MBTPS1: variants seen among roughly 807,000 people sequenced by gnomAD.
The protein encoded by MBTPS1 is membrane bound transcription factor peptidase, site 1.
In MBTPS1, 94 loss-of-function variants were observed where a neutral mutation model predicts 127.8. The ratio of observed to expected loss-of-function variants is 0.74; its 90% CI spans 0.62 to 0.87. MBTPS1 has a LOEUF of 0.87. Among genes scored for constraint, MBTPS1 ranks in the 40% least tolerant of loss-of-function variants. The pLI, the probability that MBTPS1 is intolerant of heterozygous loss-of-function variation, is 0.00. For synonymous variants in MBTPS1, 632 were observed against 509.4 expected, an observed-to-expected ratio of 1.24 and a Z score of -3.24; for missense variants, 1,636 against 1,353.2, an observed-to-expected ratio of 1.21 and a Z score of -3.28.
chr16:84,086,043 G>A (rs1001283300), intron 9 of MBTPS1: 1 of 152,162 alleles, frequency 6.6e-6, no homozygotes, highest in African/African-American at 2.4e-5. Context: ...ACGAAAATTA[G>A]AATAGGATCT....
At chr16:84,106,734 G>A (rs187796708) in intron 1 of MBTPS1, among the ~76,000 whole-genome samples, 1 of 152,326 alleles carries the variant, frequency 6.6e-6, no homozygotes, top group East Asian at 1.9e-4. Flanking sequence ...GGTGTGGAAG[G>A]GGGCACAGGC....
chr16:84,085,004 C>T lies in MBTPS1; in HGVS notation c.1265G>A (p.Gly422Asp). ...TCACCTCACTAACAAGGTGACAGCA[C>T]CTGCAACCACTGGAGAAGCAACACT... is the stretch of plus-strand genomic sequence containing the variant. ...GTSVASPVVA[G>D]AVTLLVSTVQ... is the part of the protein sequence containing the mutation. Residue 422 changes from glycine to aspartate, a missense_variant, in exon 10 of 23, where the codon GGT (glycine) becomes GAT (aspartate). Gly to Asp is a moderately conservative substitution (Grantham distance 94). Coordinates refer to ENST00000343411, the MANE Select transcript of MBTPS1 (RefSeq NM_003791.4). 6.2e-7 allele frequency: 1 copy of T among 1,614,138 alleles called. No individual in the cohort carries two copies. Among genetic ancestry groups the T allele is most frequent in the Middle Eastern group, 1.6e-4 (1 of 6,062 alleles).
intron 22 of MBTPS1, among the ~76,000 whole-genome samples, chr16:84,055,072 C>T (rs541151476): frequency 1.4e-4 from 21 of 152,142 alleles, no homozygotes; most frequent in Non-Finnish European, 2.1e-4. Flanking sequence ...GGGGGCGTGG[C>T]GGAAGAAGCA....
At chr16:84,090,318 ACAAAGGC>A (rs983025443) in intron 8 of MBTPS1, among the ~76,000 whole-genome samples, 3 of 151,710 alleles carry the variant, frequency 2.0e-5, no homozygotes, top group African/African-American at 7.3e-5. Context: ...TAAGTTTAGC[ACAAAGGC>A]CCCCCTGTGA....
chr16:84,103,483 C>T (rs55914526), intron 1 of MBTPS1, among the ~76,000 whole-genome samples: 31,965 of 151,946 alleles, frequency 0.21, 3,693 homozygotes, highest in Middle Eastern at 0.29. Context: ...TGGTCTCAAA[C>T]TCAGGTGATC....
At chr16:84,055,907 A>C (rs754319420) in intron 22 of MBTPS1, 98 bp downstream of exon 22, 283 of 1,362,402 alleles carry the variant, frequency 2.1e-4, no homozygotes, top group Non-Finnish European at 2.8e-4. Context: ...GAAGGCAGAG[A>C]CAGGGAGAGT....
Position 84,069,990 on chromosome 16 carries a change from C to T in MBTPS1, c.1831G>A (p.Val611Met). The change falls in exon 14 of 23, where the codon GTG (valine) becomes ATG (methionine). Residue 611 changes from valine to methionine, a missense_variant. Coordinates refer to ENST00000343411, the MANE Select transcript of MBTPS1 (RefSeq NM_003791.4). ...QTSTVKLPIK[V>M]KIIPTPPRSK... The stretch of plus-strand genomic sequence containing the variant: ...CGCGGGGGAGTAGGAATTATCTTCA[C>T]CTTAATGGGGAGCTTTACTGTTGAA... The T allele has an allele frequency of 6.2e-7, 1 of 1,614,042 alleles. No homozygotes were observed. The highest frequency in any genetic ancestry group is 1.1e-5 in the South Asian group (1 of 91,078).
chr16:84,068,667 G>C (rs2085726167), intron 14 of MBTPS1, among the ~76,000 whole-genome samples: 1 of 152,218 alleles, frequency 6.6e-6, no homozygotes, highest in Non-Finnish European at 1.5e-5. Context: ...CCATGTGCCT[G>C]GCAGGTGCAT....
At chr16:84,085,674 T>G (rs1446287437) in intron 9 of MBTPS1, among the ~76,000 whole-genome samples, 1 of 151,664 alleles carries the variant, frequency 6.6e-6, no homozygotes, top group African/African-American at 2.4e-5. Context: ...AAATATATTT[T>G]ATAACAACCA....
chr16:84,071,596 G>T (rs978227595), intron 12 of MBTPS1, among the ~76,000 whole-genome samples: 2 of 152,164 alleles, frequency 1.3e-5, no homozygotes, highest in South Asian at 4.1e-4. Flanking sequence ...TAACACAGAT[G>T]AAACAATTAA....
chr16:84,072,101 T>C (rs11642644), intron 12 of MBTPS1: 24,243 of 152,220 alleles, frequency 0.16, 2,241 homozygotes, highest in East Asian at 0.32. Context: ...AGAAACGCCA[T>C]GTGGCCGACC....
intron 9 of MBTPS1, 87 bp from the exon 10 acceptor site, chr16:84,085,221 A>G: frequency 2.3e-6 from 3 of 1,324,770 alleles, no homozygotes; most frequent in Non-Finnish European, 3.2e-6. Flanking sequence ...CAGAACAGAG[A>G]TATGGGTTAG....
chr16:84,106,914 C>T (rs2086331791), intron 1 of MBTPS1, among the ~76,000 whole-genome samples: 1 of 152,156 alleles, frequency 6.6e-6, no homozygotes, highest in African/African-American at 2.4e-5. Flanking sequence ...AGTGAGGATT[C>T]AAGGCAACAC....
rs1477023545 is a variant in MBTPS1, at chr16:84,083,554, G to C, written c.1286+1429C>G. On this transcript the variant is annotated intron_variant, in intron 10 of 22. Transcript: ENST00000343411. ...AATCCTCCTGCCTTGGCCTCCCAAA[G>C]TGCTGGGATTACAGGTGTGAGCTAC... Among the ~76,000 whole-genome samples the C allele has an allele frequency of 3.3e-5, 5 of 151,904 alleles. No homozygotes were observed. In the East Asian group the frequency reaches 5.8e-4, roughly 18 times the overall value.
chr16:84,093,985 C>A (rs1312321111), intron 4 of MBTPS1, among the ~76,000 whole-genome samples, 164 bp from the exon 5 acceptor site: 1 of 152,210 alleles, frequency 6.6e-6, no homozygotes, highest in African/African-American at 2.4e-5. Context: ...CCAGGGTCAG[C>A]TGGCTGAGCC....
At chr16:84,083,064 C>T (rs950832677) in intron 10 of MBTPS1, among the ~76,000 whole-genome samples, 1 of 152,190 alleles carries the variant, frequency 6.6e-6, no homozygotes, top group South Asian at 2.1e-4. Context: ...CTCGGCTGCC[C>T]GCTTACTCAA....
intron 8 of MBTPS1, among the ~76,000 whole-genome samples, chr16:84,089,109 G>A (rs2086069355): frequency 6.6e-6 from 1 of 152,256 alleles, no homozygotes. Context: ...GACAGGTATG[G>A]CCAGGAGGAT....
At chr16:84,074,390 ATCCCTGG>A (rs1219560809) in intron 12 of MBTPS1, among the ~76,000 whole-genome samples, 200 bp downstream of exon 12, 2 of 152,132 alleles carry the variant, frequency 1.3e-5, no homozygotes, top group Non-Finnish European at 2.9e-5. Flanking sequence ...ACACACCACC[ATCCCTGG>A]CTAATTTCTT....
rs1357501218 is a variant in MBTPS1, at chr16:84,095,641, T to C, written c.586A>G (p.Thr196Ala). ...LRAIPRQVAQ[T>A]LQADVLWQMG... Reference sequence around the variant, plus strand: ...TGCCAGAGCACATCTGCCTGCAGTGTCTGGGCAACCTGGCGCGGGATGGCT... The same window carrying C: ...TGCCAGAGCACATCTGCCTGCAGTGCCTGGGCAACCTGGCGCGGGATGGCT... The change falls in exon 4 of 23, where the codon ACA becomes GCA. Residue 196 changes from threonine to alanine, a missense_variant. Thr to Ala is a moderately conservative substitution (Grantham distance 58). Coordinates refer to ENST00000343411, the MANE Select transcript of MBTPS1 (RefSeq NM_003791.4). 1.2e-6 allele frequency: 2 copies of C among 1,614,242 alleles called. No homozygotes were observed. Among genetic ancestry groups the C allele is most frequent in the South Asian group, 2.2e-5 (2 of 91,082 alleles).
Sources: gnomAD v4.1 joint callset for allele counts (sites outside exome capture counted in the v4.1 genomes callset) on GRCh38, gnomAD v4.1.1 for gene constraint, MANE v1.5 for transcripts, NCBI Gene and HGNC (gene_info 2026-07-23, HGNC 2026-07-21) for gene names.